OBI1: variants seen among roughly 807,000 people sequenced by gnomAD.
OBI1 encodes the protein ring finger protein 219.
OBI1 carries 59 observed loss-of-function variants against 62.4 expected under a neutral mutation model. That is an observed-to-expected ratio of 0.95 (90% CI 0.77 to 1.17). OBI1 has a LOEUF of 1.17. OBI1 is among the 50% of genes most tolerant of loss of function. The pLI is 0.00. For missense variants in OBI1, 875 were observed against 830.9 expected, an observed-to-expected ratio of 1.05 and a Z score of -0.65; for synonymous variants, 302 against 292.8, an observed-to-expected ratio of 1.03 and a Z score of -0.32.
At chr13:78,636,575 G>A (rs1876037310) in intron 4 of OBI1, among the ~76,000 whole-genome samples, 1 of 152,104 alleles carries the variant, frequency 6.6e-6, no homozygotes, top group African/African-American at 2.4e-5. Context: ...ACATTATTTG[G>A]GGGCATAAAG....
In OBI1 at chr13:78,638,672, GTCT is replaced by G. The variant is rs1454112446; in HGVS notation, c.549+148_549+150del. On this transcript the variant is annotated intron_variant, in intron 4 of 5. Transcript: ENST00000282003. Reference sequence around the variant, plus strand: ...GTTAATGATATTTAAATAAGAAAAAGTCTTCTTATTGCATATAAATGCTCATCC... The same window carrying G: ...GTTAATGATATTTAAATAAGAAAAAGTCTTATTGCATATAAATGCTCATCC... 4.4e-5 allele frequency: 30 copies of G among 677,092 alleles called. No individual in the cohort carries two copies. In the South Asian group the frequency reaches 5.9e-4, roughly 13 times the overall value. The allele number at this position is 677,092 out of a possible 1,614,324, so 41.9% of individuals were successfully genotyped here.
intron 4 of OBI1, among the ~76,000 whole-genome samples, chr13:78,637,663 T>C (rs1157840952): frequency 6.6e-6 from 1 of 152,232 alleles, no homozygotes; most frequent in Admixed American, 6.5e-5. Context: ...TAGTATCCTA[T>C]TGTCTTCTAA....
chr13:78,655,003 C>T (rs556632057), intron 1 of OBI1, among the ~76,000 whole-genome samples: 5 of 152,264 alleles, frequency 3.3e-5, no homozygotes, highest in East Asian at 3.9e-4. Flanking sequence ...GACTCATAGT[C>T]GAATGAGAAA....
intron 5 of OBI1, among the ~76,000 whole-genome samples, chr13:78,623,553 A>C (rs1225370801): frequency 2.0e-5 from 3 of 152,232 alleles, no homozygotes; most frequent in Non-Finnish European, 4.4e-5. Context: ...AGCAGCAGGA[A>C]TAGGATTTGA....
At chr13:78,626,281 A>G (rs1012519384) in intron 5 of OBI1, among the ~76,000 whole-genome samples, 3 of 152,184 alleles carry the variant, frequency 2.0e-5, no homozygotes, top group Non-Finnish European at 4.4e-5. Flanking sequence ...TTAAGCTTCA[A>G]GTATTAAAGT....
chr13:78,648,388 T>TTA (rs1462855049), intron 1 of OBI1, among the ~76,000 whole-genome samples: 2 of 151,790 alleles, frequency 1.3e-5, no homozygotes, highest in African/African-American at 2.4e-5. Context: ...AAAAGGAAGT[T>TTA]ATCTACTGTT....
intron 1 of OBI1, among the ~76,000 whole-genome samples, chr13:78,656,198 C>T (rs1876695583): frequency 6.6e-6 from 1 of 152,194 alleles, no homozygotes; most frequent in Non-Finnish European, 1.5e-5. Flanking sequence ...TTTGCACATG[C>T]TTTGTTTAAT....
At chr13:78,624,242 G>A (rs910913440) in intron 5 of OBI1, among the ~76,000 whole-genome samples, 42 of 152,252 alleles carry the variant, frequency 2.8e-4, no homozygotes, top group African/African-American at 9.9e-4. Flanking sequence ...AAAACAGAAA[G>A]TGTTCCAATA....
At chr13:78,639,956 A>C (rs1421435901) in intron 3 of OBI1, among the ~76,000 whole-genome samples, 2 of 151,756 alleles carry the variant, frequency 1.3e-5, no homozygotes, top group Non-Finnish European at 2.9e-5. Context: ...ACTAACCTGC[A>C]CAATGTGCAC....
chr13:78,625,909 G>A (rs534175259), intron 5 of OBI1, among the ~76,000 whole-genome samples: 1 of 152,322 alleles, frequency 6.6e-6, no homozygotes, highest in East Asian at 1.9e-4. Flanking sequence ...AGGTCAAGAA[G>A]GGACAACAGC....
intron 5 of OBI1, among the ~76,000 whole-genome samples, chr13:78,621,861 A>T (rs2137430828): frequency 6.6e-6 from 1 of 152,348 alleles, no homozygotes; most frequent in South Asian, 2.1e-4. Flanking sequence ...AAGTTGATGC[A>T]AACTTAGGAG....
chr13:78,640,731 C>T (rs1305068813), intron 3 of OBI1, among the ~76,000 whole-genome samples: 2 of 152,046 alleles, frequency 1.3e-5, no homozygotes, highest in Admixed American at 6.6e-5. Context: ...ACCCAGGAGG[C>T]GGAGGTTGCA....
At chr13:78,653,172 C>T (rs890313176) in intron 1 of OBI1, among the ~76,000 whole-genome samples, 3 of 152,188 alleles carry the variant, frequency 2.0e-5, no homozygotes, top group Admixed American at 2.0e-4. Context: ...CTTCAAACAG[C>T]GTTTCTCAAC....
chr13:78,657,669 T>TA (rs1876752168), intron 1 of OBI1, among the ~76,000 whole-genome samples: 1 of 152,200 alleles, frequency 6.6e-6, no homozygotes, highest in African/African-American at 2.4e-5. Flanking sequence ...AGACAGCCTA[T>TA]AACTAATGGA....
At chr13:78,619,094 G>T (rs1875422807) in intron 5 of OBI1, among the ~76,000 whole-genome samples, 1 of 151,872 alleles carries the variant, frequency 6.6e-6, no homozygotes, top group Admixed American at 6.6e-5. Flanking sequence ...TATAATAAAG[G>T]TATCTCCTCA....
intron 5 of OBI1, among the ~76,000 whole-genome samples, chr13:78,633,498 C>T (rs539363348): frequency 1.9e-4 from 29 of 152,236 alleles, no homozygotes; most frequent in African/African-American, 5.5e-4. Flanking sequence ...CCTGCATTGT[C>T]TTTTTCCATT....
chr13:78,624,761 G>A (rs1165627949), intron 5 of OBI1, among the ~76,000 whole-genome samples: 1 of 152,162 alleles, frequency 6.6e-6, no homozygotes, highest in Non-Finnish European at 1.5e-5. Context: ...GGGTCAGCAG[G>A]TGGATAAGGA....
chr13:78,647,215 G>T (rs568700743), intron 1 of OBI1, among the ~76,000 whole-genome samples: 1 of 152,216 alleles, frequency 6.6e-6, no homozygotes, highest in Non-Finnish European at 1.5e-5. Flanking sequence ...CCTGACACCC[G>T]TGAACGGTCT....
chr13:78,654,096 C>T (rs1431995493), intron 1 of OBI1, among the ~76,000 whole-genome samples: 1 of 151,430 alleles, frequency 6.6e-6, no homozygotes, highest in Non-Finnish European at 1.5e-5. Context: ...TTCCCCATTC[C>T]TGTCTAGGTA....
Sources: allele counts gnomAD v4.1 joint callset (sites outside exome capture counted in the v4.1 genomes callset), GRCh38; gene constraint gnomAD v4.1.1; transcripts MANE v1.5; gene names NCBI Gene and HGNC (gene_info 2026-07-23, HGNC 2026-07-21).